ROR2: variants seen among roughly 807,000 people sequenced by gnomAD.
ROR2 encodes ROR family WNT receptor 2.
In ROR2, 33 loss-of-function variants were observed where a neutral mutation model predicts 74.9. The observed-to-expected ratio is 0.44, with a 90% CI of 0.33 to 0.59. The LOEUF is 0.59. Ranked by LOEUF, ROR2 falls within the 20% of genes least tolerant of loss-of-function variation. The probability of loss-of-function intolerance (pLI) is 0.02; values close to 1 mark genes in which losing one functional copy is unlikely to be tolerated. For missense variants in ROR2, 1,216 were observed against 1,313.8 expected (o/e 0.93, Z 1.15); for synonymous variants, 586 against 558.7 (o/e 1.05, Z -0.69).
intron 2 of ROR2, among the ~76,000 whole-genome samples, chr9:91,764,919 G>A (rs187467725): frequency 7.2e-5 from 11 of 152,252 alleles, no homozygotes; most frequent in Admixed American, 6.5e-4. Flanking sequence ...TGCAGTTCTT[G>A]TTCCCTTTGC....
chr9:91,938,584 T>G (rs1831764607), intron 1 of ROR2, among the ~76,000 whole-genome samples: 1 of 152,066 alleles, frequency 6.6e-6, no homozygotes, highest in South Asian at 2.1e-4. Flanking sequence ...ATTGTGCCAC[T>G]GCACTCCAGC....
intron 2 of ROR2, among the ~76,000 whole-genome samples, chr9:91,770,879 A>G (rs1297460497): frequency 1.3e-5 from 2 of 152,228 alleles, no homozygotes; most frequent in African/African-American, 4.8e-5. Context: ...AGAATAAACC[A>G]GAAGCACACA....
chr9:91,846,409 C>T (rs560465324), intron 1 of ROR2, among the ~76,000 whole-genome samples: 2 of 152,264 alleles, frequency 1.3e-5, no homozygotes, highest in East Asian at 1.9e-4. Context: ...AGTGAGAAGG[C>T]GGCCATCTAC....
Position 91,768,328 on chromosome 9 carries a change from G to A in ROR2, c.175+7413C>T, listed in dbSNP as rs139768585. Reference sequence around the variant, plus strand: ...GAGGAATTGAAGAAGAAAGAAGAACGGCTGTAGAAGGAAGGAGACAGCCCA... The same window carrying A: ...GAGGAATTGAAGAAGAAAGAAGAACAGCTGTAGAAGGAAGGAGACAGCCCA... On this transcript the variant is annotated intron_variant, in intron 2 of 8. Coordinates refer to ENST00000375708, the MANE Select transcript of ROR2 (RefSeq NM_004560.4). Among the ~76,000 whole-genome samples, 378 of 152,280 alleles carry A rather than the reference G, an allele frequency of 2.5e-3. 6 individuals carry two copies. Among genetic ancestry groups the A allele is most frequent in the Admixed American group, 0.018 (279 of 15,302 alleles).
chr9:91,724,260 C>A lies in ROR2; in HGVS notation c.2234G>T (p.Arg745Leu), dbSNP rs778062920. The change falls in exon 9 of 9, where the codon CGG (arginine) becomes CTG (leucine). Residue 745 changes from arginine to leucine, a missense_variant. Arg to Leu is a moderately radical substitution (Grantham distance 102, BLOSUM62 -2). Transcript: ENST00000375708. ...RRPRFKDIHS[R>L]LRAWGNLSNY... ...GGAAAGGTTGCCCCAGGCTCGGAGC[C>A]GGCTGTGGATGTCCTTGAAGCGGGG... is the stretch of plus-strand genomic sequence containing the variant. 1 of 1,613,360 alleles carries A rather than the reference C, an allele frequency of 6.2e-7. No individual in the cohort carries two copies. The highest frequency in any genetic ancestry group is 1.1e-5 in the South Asian group (1 of 91,084).
At position 91,851,353 on chromosome 9, in the gene ROR2, C is replaced by CA. The variant is rs140560176; in HGVS notation, c.98-75536dup. ...TGGGCGACAGAGCAAGACTCCGTCT[C>CA]AAAAAAAAAAAAAAGAAAAGAAAAG... On this transcript the variant is annotated intron_variant, in intron 1 of 8. Transcript: ENST00000375708. 1.4e-3 allele frequency among the ~76,000 whole-genome samples: 161 copies of CA among 114,458 alleles called. 3 individuals are homozygous for CA. Among genetic ancestry groups the CA allele is most frequent in the Middle Eastern group, 9.7e-3 (2 of 206 alleles). 75.1% of individuals were successfully genotyped at this position (114,458 alleles called of 152,430 possible).
chr9:91,876,301 G>A (rs754554025), intron 1 of ROR2, among the ~76,000 whole-genome samples: 29 of 152,034 alleles, frequency 1.9e-4, no homozygotes, highest in South Asian at 1.2e-3. Flanking sequence ...CCTAGCAGGC[G>A]GAGGTTGCAG....
chr9:91,745,747 G>A (rs748172914), intron 4 of ROR2, among the ~76,000 whole-genome samples: 2 of 152,084 alleles, frequency 1.3e-5, no homozygotes, highest in Non-Finnish European at 2.9e-5. Context: ...ATTTAGAAAT[G>A]TGTATCTATT....
Position 91,950,212 on chromosome 9 carries a change from A to G in ROR2, c.-249T>C, listed in dbSNP as rs1268298332. The G allele has an allele frequency of 1.2e-5, 3 of 247,864 alleles. No homozygotes were observed. Among genetic ancestry groups the G allele is most frequent in the African/African-American group, 6.8e-5 (3 of 44,084 alleles). 15.4% of individuals were successfully genotyped at this position (247,864 alleles called of 1,614,324 possible). The stretch of plus-strand genomic sequence containing the variant: ...GGGCGTCCCGCCGGCCGCCAGGACG[A>G]GCGCGGGGGGCGGACCGCGGGCGAG... On this transcript the variant is annotated 5_prime_UTR_variant, in exon 1 of 9. Coordinates refer to ENST00000375708, the MANE Select transcript of ROR2 (RefSeq NM_004560.4).
chr9:91,922,423 C>T (rs1402629734), intron 1 of ROR2, among the ~76,000 whole-genome samples: 2 of 152,068 alleles, frequency 1.3e-5, no homozygotes. Flanking sequence ...GTTTGATGTC[C>T]ATACTGAATG....
chr9:91,750,149 G>T (rs746379306), intron 4 of ROR2, among the ~76,000 whole-genome samples: 1 of 152,142 alleles, frequency 6.6e-6, no homozygotes, highest in Non-Finnish European at 1.5e-5. Context: ...TGATCCACCC[G>T]CCTTGGCCTC....
chr9:91,755,893 A>T, intron 4 of ROR2, 178 bp downstream of exon 4: 1 of 676,462 alleles, frequency 1.5e-6, no homozygotes, highest in South Asian at 1.7e-5. Flanking sequence ...TACAAGAAAC[A>T]TGAAAAATGT....
chr9:91,830,809 C>CGTGTGTGTGTGTGTGTGT (rs34963566), intron 1 of ROR2, among the ~76,000 whole-genome samples: 32 of 139,678 alleles, frequency 2.3e-4, no homozygotes, highest in Middle Eastern at 3.6e-3. Flanking sequence ...TAACTGTGTC[C>CGTGTGTGTGTGTGTGTGT]GTGTGTGTGT....
intron 1 of ROR2, among the ~76,000 whole-genome samples, chr9:91,819,653 T>TGTGTCTGTGTCTTTCA (rs372377330): frequency 1 from 149,421 of 150,130 alleles, 74,358 homozygotes; most frequent in Middle Eastern, 1. Context: ...CTGTGTTCTC[T>TGTGTCTGTGTCTTTCA]GTGTCTGTGT....
chr9:91,917,913 G>A (rs1309881891), intron 1 of ROR2, among the ~76,000 whole-genome samples: 1 of 152,206 alleles, frequency 6.6e-6, no homozygotes, highest in Non-Finnish European at 1.5e-5. Context: ...GCTCATTCTT[G>A]TATCAAACTG....
At chr9:91,871,477 G>A (rs757323182) in intron 1 of ROR2, among the ~76,000 whole-genome samples, 37 of 152,306 alleles carry the variant, frequency 2.4e-4, no homozygotes, top group Middle Eastern at 3.4e-3. Flanking sequence ...GTGACAAAGG[G>A]ATGGTATATT....
intron 1 of ROR2, among the ~76,000 whole-genome samples, chr9:91,802,884 T>C (rs2119063882): frequency 6.6e-6 from 1 of 152,106 alleles, no homozygotes; most frequent in African/African-American, 2.4e-5. Flanking sequence ...GGCAACAAAC[T>C]TCAGCAGACA....
intron 1 of ROR2, 137 bp downstream of exon 1, chr9:91,949,730 C>T (rs371113084): frequency 1.5e-5 from 10 of 681,508 alleles, no homozygotes; most frequent in Non-Finnish European, 2.6e-5. Context: ...GGGCGAGATG[C>T]GAATGGCCCT....
At chr9:91,925,053 T>G (rs985356284) in intron 1 of ROR2, among the ~76,000 whole-genome samples, 2 of 152,082 alleles carry the variant, frequency 1.3e-5, no homozygotes, top group Non-Finnish European at 2.9e-5. Flanking sequence ...GATCCCACTA[T>G]GTTGCCCAGG....
Sources: allele counts gnomAD v4.1 joint callset (sites outside exome capture counted in the v4.1 genomes callset), GRCh38; gene constraint gnomAD v4.1.1; transcripts MANE v1.5; gene names NCBI Gene and HGNC (gene_info 2026-07-23, HGNC 2026-07-21).